The following STARD13 variants were observed in gnomAD, a reference collection of about 807,000 sequenced individuals.
STARD13 encodes stAR-related lipid transfer protein 13.
STARD13 carries 62 observed loss-of-function variants against 106.4 expected under a neutral mutation model. The observed-to-expected ratio is 0.58, with a 90% CI of 0.48 to 0.72. The LOEUF is 0.72. STARD13 is among the 30% of genes least tolerant of loss of function. The probability of loss-of-function intolerance (pLI) is 0.00; values close to 1 mark genes in which losing one functional copy is unlikely to be tolerated. For synonymous variants in STARD13, 565 were observed against 553.0 expected (o/e 1.02, Z -0.31); for missense variants, 1,387 against 1,424.0 (o/e 0.97, Z 0.42).
chr13:33,335,207 T>A (rs1436196309), intron 1 of STARD13: 3 of 152,248 alleles, frequency 2.0e-5, no homozygotes, highest in Non-Finnish European at 4.4e-5. Flanking sequence ...GGACTTTTGT[T>A]ACAATCTGTT....
the STARD13 span, among the ~76,000 whole-genome samples, chr13:33,439,006 T>C: frequency 6.6e-6 from 1 of 152,212 alleles, no homozygotes; most frequent in African/African-American, 2.4e-5. Flanking sequence ...GAAGAATACA[T>C]GCAGTGGAAT....
At chr13:33,371,195 GA>G in the STARD13 span, among the ~76,000 whole-genome samples, 1 of 152,112 alleles carries the variant, frequency 6.6e-6, no homozygotes, top group Non-Finnish European at 1.5e-5. Context: ...ACTAACATCT[GA>G]AAGTATGCTC....
At chr13:33,354,206 C>T (rs370202948), upstream of STARD13, among the ~76,000 whole-genome samples, 28 of 152,310 alleles carry the variant, frequency 1.8e-4, no homozygotes, top group African/African-American at 6.7e-4. Flanking sequence ...CAGGTTTTCT[C>T]TTTCCCTTCC....
intron 1 of STARD13, chr13:33,281,260 T>G (rs1019985484): frequency 1.3e-5 from 2 of 152,218 alleles, no homozygotes; most frequent in African/African-American, 2.4e-5. Context: ...TGTCTCCTTA[T>G]CCTACTTCAG....
At chr13:33,607,084 T>C in the STARD13 span, among the ~76,000 whole-genome samples, 2 of 151,440 alleles carry the variant, frequency 1.3e-5, no homozygotes, top group East Asian at 1.9e-4. Flanking sequence ...AGTGGATACT[T>C]GGGGGACAGT....
At chr13:33,396,543 A>T in the STARD13 span, among the ~76,000 whole-genome samples, 1 of 152,220 alleles carries the variant, frequency 6.6e-6, no homozygotes, top group Non-Finnish European at 1.5e-5. Context: ...TAGTAAAGGA[A>T]ACATTTTTGC....
At chr13:33,115,851 G>T (rs892011125) in intron 8 of STARD13, among the ~76,000 whole-genome samples, 1 of 152,192 alleles carries the variant, frequency 6.6e-6, no homozygotes, top group Non-Finnish European at 1.5e-5. Flanking sequence ...TATAAGTTGT[G>T]ACAATTATAT....
the STARD13 span, among the ~76,000 whole-genome samples, chr13:33,388,884 T>C: frequency 5.3e-3 from 808 of 152,048 alleles, 2 homozygotes; most frequent in Non-Finnish European, 7.6e-3. Context: ...TGTCCTGAGC[T>C]CCTAGTACCT....
the STARD13 span, among the ~76,000 whole-genome samples, chr13:33,670,881 G>A: frequency 3.3e-5 from 5 of 152,178 alleles, no homozygotes; most frequent in Non-Finnish European, 5.9e-5. Context: ...ATGCCCCACT[G>A]AAGTTCAAGT....
intron 1 of STARD13, chr13:33,277,666 G>A (rs956457160): frequency 1.3e-5 from 2 of 152,140 alleles, no homozygotes; most frequent in African/African-American, 4.8e-5. Flanking sequence ...AGAACCATTT[G>A]GACCTCACCC....
the STARD13 span, among the ~76,000 whole-genome samples, chr13:33,525,709 G>A: frequency 6.6e-6 from 1 of 152,058 alleles, no homozygotes. Flanking sequence ...TATTCCGTCT[G>A]GAGAAAGTAT....
intron 7 of STARD13, among the ~76,000 whole-genome samples, chr13:33,122,754 T>C (rs543597881): frequency 2.3e-4 from 35 of 152,186 alleles, no homozygotes; most frequent in African/African-American, 7.9e-4. Context: ...AAAACCTAGC[T>C]ATGAAAAAGC....
chr13:33,316,329 T>G (rs1029899927), intron 1 of STARD13, among the ~76,000 whole-genome samples: 1 of 152,208 alleles, frequency 6.6e-6, no homozygotes, highest in African/African-American at 2.4e-5. Context: ...TTGTGAAGTG[T>G]TCCCAGTCAT....
the STARD13 span, among the ~76,000 whole-genome samples, chr13:33,604,018 A>G: frequency 6.6e-5 from 10 of 152,340 alleles, no homozygotes; most frequent in African/African-American, 2.2e-4. Flanking sequence ...AATTAAGTAG[A>G]TTAAAATAGG....
At chr13:33,502,198 T>C in the STARD13 span, among the ~76,000 whole-genome samples, 1 of 152,174 alleles carries the variant, frequency 6.6e-6, no homozygotes, top group Admixed American at 6.6e-5. Flanking sequence ...CTTTTATTGG[T>C]GTACAGGAAT....
intron 7 of STARD13, among the ~76,000 whole-genome samples, 153 bp downstream of exon 7, chr13:33,125,928 T>C (rs1297719205): frequency 6.6e-6 from 1 of 152,154 alleles, no homozygotes; most frequent in Non-Finnish European, 1.5e-5. Flanking sequence ...CTTGTTCAAA[T>C]TAAATATTGC....
At chr13:33,568,034 T>C in the STARD13 span, among the ~76,000 whole-genome samples, 2 of 148,138 alleles carry the variant, frequency 1.4e-5, no homozygotes, top group Admixed American at 1.4e-4. Flanking sequence ...AGGGATTTTT[T>C]TTTCTATTGT....
intron 2 of STARD13, among the ~76,000 whole-genome samples, chr13:33,166,080 T>C (rs17078655): frequency 0.13 from 20,312 of 152,144 alleles, 1,714 homozygotes; most frequent in East Asian, 0.27. Flanking sequence ...CATAGCCAAA[T>C]GTAACCATGC....
chr13:33,204,904 A>G (rs1358382227), intron 1 of STARD13, among the ~76,000 whole-genome samples: 2 of 152,208 alleles, frequency 1.3e-5, no homozygotes, highest in African/African-American at 4.8e-5. Flanking sequence ...TTTGGACTAG[A>G]CAGCCTGCTA....
Sources: allele counts gnomAD v4.1 joint callset (sites outside exome capture counted in the v4.1 genomes callset), GRCh38; gene constraint gnomAD v4.1.1; transcripts MANE v1.5; gene names NCBI Gene and HGNC (gene_info 2026-07-23, HGNC 2026-07-21).